The following DCAF1 variants were observed in gnomAD, a reference collection of about 807,000 sequenced individuals.
The protein encoded by DCAF1 is DDB1 and CUL4 associated factor 1, also known as DDB1- and CUL4-associated factor 1.
Under a neutral mutation model 128.0 loss-of-function variants are expected in DCAF1, and 15 were observed. The observed-to-expected ratio is 0.12, with a 90% CI of 0.08 to 0.18. The LOEUF (loss-of-function observed/expected upper bound fraction) is 0.18, where lower values mean the gene tolerates loss of function less well. Among genes scored for constraint, DCAF1 ranks in the 10% least tolerant of loss-of-function variants. The pLI is 1.00. For synonymous variants in DCAF1, 610 were observed against 603.0 expected (o/e 1.01, Z -0.17); for missense variants, 988 against 1,649.5 (o/e 0.60, Z 6.95).
At chr3:51,438,212 C>T (rs1280033015) in intron 9 of DCAF1, 35 of 314,372 alleles carry the variant, frequency 1.1e-4, no homozygotes, top group Non-Finnish European at 1.2e-5. Flanking sequence ...ATCCTTATTT[C>T]CATGGTTCAA....
rs782230267 is a variant in DCAF1 at position 51,412,507 on chromosome 3, G to A, written c.4111-27C>T. The A allele has an allele frequency of 5.6e-6, 9 of 1,613,180 alleles. No individual in the cohort carries two copies. The East Asian group carries it at 1.3e-4, about 24-fold the overall frequency. On this transcript the variant is annotated intron_variant, in intron 22 of 24. Coordinates refer to ENST00000684031, the MANE Select transcript of DCAF1 (RefSeq NM_001387579.1). ...TGAAATAGAACATCCAGTCCATAAG[G>A]AGCAGTTACTTTTCAGAAGGTCCAC...
intron 23 of DCAF1, among the ~76,000 whole-genome samples, chr3:51,408,726 G>A (rs1698130898): frequency 6.6e-6 from 1 of 152,148 alleles, no homozygotes; most frequent in South Asian, 2.1e-4. Context: ...AATAGATACG[G>A]TATTATCCCG....
chr3:51,470,883 C>T (rs782769696), intron 4 of DCAF1, 46 bp downstream of exon 4: 1 of 1,394,020 alleles, frequency 7.2e-7, no homozygotes, highest in Admixed American at 2.3e-5. Context: ...ATAAAAGTGT[C>T]TTAAAAGAAA....
chr3:51,457,983 C>T (rs559363355), intron 6 of DCAF1, among the ~76,000 whole-genome samples: 12 of 152,226 alleles, frequency 7.9e-5, no homozygotes, highest in East Asian at 7.7e-4. Context: ...AGACCATTAA[C>T]GCTAGGAAGA....
intron 7 of DCAF1, among the ~76,000 whole-genome samples, 177 bp downstream of exon 7, chr3:51,443,589 C>CA (rs369157750): frequency 0.059 from 7,017 of 118,272 alleles, 200 homozygotes; most frequent in Non-Finnish European, 0.082. Context: ...GACTCCGTCT[C>CA]AAAAAAAAAA....
rs1698705973 is a variant in DCAF1 at position 51,414,498 on chromosome 3, G to A, written c.3837+126C>T. On this transcript the variant is annotated intron_variant, in intron 19 of 24. Coordinates refer to ENST00000684031, the MANE Select transcript of DCAF1 (RefSeq NM_001387579.1). The stretch of plus-strand genomic sequence containing the variant: ...GATTTCACTAACATTTCAAACCAAA[G>A]GACAGGCACCATATTATTACCAGTG... 5 of 1,363,528 alleles carry A rather than the reference G, an allele frequency of 3.7e-6. No homozygotes were observed. The African/African-American group carries it at 4.4e-5, about 12-fold the overall frequency. The allele number at this position is 1,363,528 out of a possible 1,614,324, so 84.5% of individuals were successfully genotyped here.
At chr3:51,501,344 C>T (rs1708797959), upstream of DCAF1, among the ~76,000 whole-genome samples, 1 of 152,146 alleles carries the variant, frequency 6.6e-6, no homozygotes, top group African/African-American at 2.4e-5. Flanking sequence ...AACCAGAGGA[C>T]TCCTTACTCT....
chr3:51,502,052 G>A (rs186747329), upstream of DCAF1, among the ~76,000 whole-genome samples: 1,027 of 152,276 alleles, frequency 6.7e-3, 35 homozygotes, highest in Admixed American at 0.062. Context: ...CCTGGGCCAT[G>A]AACCTAAAAT....
chr3:51,456,875 A>C (rs185356456), intron 6 of DCAF1, among the ~76,000 whole-genome samples: 1 of 152,314 alleles, frequency 6.6e-6, no homozygotes, highest in Non-Finnish European at 1.5e-5. Context: ...AGGAAAACTA[A>C]CAAACAGAAA....
chr3:51,412,262 G>A, intron 23 of DCAF1, 117 bp downstream of exon 23: 1 of 1,424,068 alleles, frequency 7.0e-7, no homozygotes, highest in African/African-American at 1.4e-5. Context: ...CAAGCCTTAT[G>A]AATGTGGCAA....
At chr3:51,460,090 T>G (rs868927735) in intron 6 of DCAF1, among the ~76,000 whole-genome samples, 2 of 152,124 alleles carry the variant, frequency 1.3e-5, no homozygotes, top group South Asian at 4.1e-4. Flanking sequence ...TAAAGGGTAT[T>G]CAATTAGGAA....
chr3:51,411,187 A>G (rs1698385506), intron 23 of DCAF1, among the ~76,000 whole-genome samples: 1 of 151,390 alleles, frequency 6.6e-6, no homozygotes, highest in African/African-American at 2.4e-5. Flanking sequence ...AAAAAGAGAG[A>G]CAAAGCACCA....
chr3:51,438,014 G>A, intron 9 of DCAF1: 1 of 336,584 alleles, frequency 3.0e-6, no homozygotes, highest in Non-Finnish European at 5.8e-6. Context: ...TCAAATCTTG[G>A]CTAGTTTTAT....
intron 13 of DCAF1, among the ~76,000 whole-genome samples, chr3:51,426,713 C>A (rs1042133196): frequency 6.6e-6 from 1 of 152,122 alleles, no homozygotes; most frequent in Non-Finnish European, 1.5e-5. Context: ...TTACTATATT[C>A]CCCTAAATAA....
chr3:51,477,976 T>A (rs1364972910), intron 3 of DCAF1, among the ~76,000 whole-genome samples: 1 of 152,122 alleles, frequency 6.6e-6, no homozygotes, highest in African/African-American at 2.4e-5. Flanking sequence ...TACTATTTTG[T>A]GCTACTATGC....
chr3:51,432,174 G>A (rs1408727716), intron 10 of DCAF1, among the ~76,000 whole-genome samples: 1 of 150,884 alleles, frequency 6.6e-6, no homozygotes, highest in Non-Finnish European at 1.5e-5. Flanking sequence ...GGGAGGCTGA[G>A]GCAGAAGAAT....
chr3:51,439,580 T>A (rs1221292575), intron 9 of DCAF1, among the ~76,000 whole-genome samples: 2 of 152,068 alleles, frequency 1.3e-5, no homozygotes, highest in Non-Finnish European at 2.9e-5. Context: ...TAGCTAGGAT[T>A]ACAGGTACCT....
chr3:51,398,618 T>G lies in DCAF1; in HGVS notation c.*151A>C, dbSNP rs2089397190. 2 of 1,029,748 alleles carry G rather than the reference T, an allele frequency of 1.9e-6. No individual in the cohort carries two copies. Among genetic ancestry groups the G allele is most frequent in the Admixed American group, 5.1e-5 (2 of 38,936 alleles). 63.8% of individuals were successfully genotyped at this position (1,029,748 alleles called of 1,614,324 possible). ...TTCTGGAAGGACCCTCGGGTGCCAA[T>G]GAGGCTCTCTAAGCCATAATCTTCT... On this transcript the variant is annotated 3_prime_UTR_variant, in exon 25 of 25. Coordinates refer to ENST00000684031, the MANE Select transcript of DCAF1 (RefSeq NM_001387579.1).
In DCAF1 at chr3:51,427,523, C is replaced by T; in HGVS notation, c.1696G>A (p.Glu566Lys). The change falls in exon 13 of 25, where the codon GAA becomes AAA. Residue 566 changes from glutamate (E) to lysine (K), a missense_variant. Physicochemically the swap from Glu to Lys is moderately conservative, Grantham distance 56. Around this residue, in one of 11 missense-constraint regions of DCAF1, gnomAD observed 185 missense variants for 248.1 expected, o/e 0.75. Transcript: ENST00000684031. ...PPYKACSYTHEQIVEMMEFLI... is the reference protein window; with the variant it reads ...PPYKACSYTHKQIVEMMEFLI... The stretch of plus-strand genomic sequence containing the variant: ...AATTCCATCATTTCCACAATCTGTT[C>T]ATGAGTATATGAGCATGCCTATAAG... 1.3e-6 allele frequency: 1 copy of T among 760,924 alleles called. No individual in the cohort carries two copies. 47.1% of individuals were successfully genotyped at this position (760,924 alleles called of 1,614,324 possible).
Sources: gnomAD v4.1 joint callset for allele counts (sites outside exome capture counted in the v4.1 genomes callset) on GRCh38, gnomAD v4.1.1 for gene constraint, gnomAD v4.1.1 regional missense constraint, MANE v1.5 for transcripts, NCBI Gene and HGNC (gene_info 2026-07-23, HGNC 2026-07-21) for gene names.